The following SARDH variants were observed in gnomAD, a reference collection of about 807,000 sequenced individuals.
SARDH encodes sarcosine dehydrogenase, mitochondrial.
Under a neutral mutation model 109.1 loss-of-function variants are expected in SARDH, and 95 were observed. The observed-to-expected ratio is 0.87, with a 90% CI of 0.74 to 1.03. The LOEUF (loss-of-function observed/expected upper bound fraction) is 1.03. SARDH is among the 50% of genes least tolerant of loss of function. The pLI, the probability that SARDH is intolerant of heterozygous loss-of-function variation, is 0.00. For synonymous variants in SARDH, 572 were observed against 534.8 expected, an observed-to-expected ratio of 1.07 and a Z score of -0.96; for missense variants, 1,267 against 1,287.8, an observed-to-expected ratio of 0.98 and a Z score of 0.25.
chr9:133,663,811 A>G lies in SARDH; in HGVS notation c.*78T>C. 1 of 1,577,676 alleles carries G rather than the reference A, an allele frequency of 6.3e-7. No individual in the cohort carries two copies. The highest frequency in any genetic ancestry group is 8.6e-7 in the Non-Finnish European group (1 of 1,157,066). On this transcript the variant is annotated 3_prime_UTR_variant, in exon 21 of 21. Coordinates refer to ENST00000439388, the MANE Select transcript of SARDH (RefSeq NM_001134707.2). ...GAGGGCACAAGTTCTGGCTGGGTCC[A>G]GGGTCCTGGGACCCAGGGCCATTTG...
chr9:133,737,659 C>T (rs1490982769), intron 1 of SARDH, among the ~76,000 whole-genome samples: 3 of 152,214 alleles, frequency 2.0e-5, no homozygotes, highest in African/African-American at 4.8e-5. Context: ...CAGCTGCTGG[C>T]GCCGGAGGCT....
chr9:133,727,459 C>A (rs1832531572), intron 6 of SARDH, among the ~76,000 whole-genome samples: 1 of 152,254 alleles, frequency 6.6e-6, no homozygotes, highest in South Asian at 2.1e-4. Flanking sequence ...TGCCATGCGC[C>A]CAGGAGAGGG....
chr9:133,711,561 T>C (rs1831919580), intron 10 of SARDH, among the ~76,000 whole-genome samples: 1 of 151,826 alleles, frequency 6.6e-6, no homozygotes, highest in South Asian at 2.1e-4. Flanking sequence ...CATGGAGGGG[T>C]GGCAGCTGGG....
chr9:133,697,672 A>G (rs984142540), intron 13 of SARDH, among the ~76,000 whole-genome samples: 5 of 152,242 alleles, frequency 3.3e-5, no homozygotes, highest in Admixed American at 6.5e-5. Flanking sequence ...GACAAAAACC[A>G]TCTGATCCTC....
chr9:133,725,265 T>C (rs1041620878), intron 6 of SARDH: 10 of 169,594 alleles, frequency 5.9e-5, no homozygotes, highest in African/African-American at 2.4e-4. Flanking sequence ...ATGAAGATAA[T>C]GTTACACACA....
chr9:133,701,390 G>A (rs1383367812), intron 13 of SARDH, among the ~76,000 whole-genome samples: 1 of 152,212 alleles, frequency 6.6e-6, no homozygotes, highest in Non-Finnish European at 1.5e-5. Flanking sequence ...CCCCTTTGTC[G>A]GTTTCTGCTG....
At chr9:133,669,346 C>T (rs1297045070) in intron 19 of SARDH, among the ~76,000 whole-genome samples, 1 of 119,808 alleles carries the variant, frequency 8.3e-6, no homozygotes, top group African/African-American at 3.4e-5. Context: ...CCTCCCTCTC[C>T]CTCCCCTCGT....
intron 5 of SARDH, 61 bp downstream of exon 5, chr9:133,730,003 G>C: frequency 6.9e-6 from 11 of 1,604,352 alleles, no homozygotes; most frequent in Middle Eastern, 1.7e-4. Context: ...GCAGAGGTGG[G>C]AGCAGGTTTA....
At position 133,671,673 on chromosome 9, in the gene SARDH, C is replaced by A; in HGVS notation, c.2188G>T (p.Val730Leu). The change falls in exon 18 of 21, where the codon GTG (valine) becomes TTG (leucine). Residue 730 changes from valine to leucine, a missense_variant. By Grantham distance (32) the Val-to-Leu change is conservative. Coordinates refer to ENST00000439388, the MANE Select transcript of SARDH (RefSeq NM_001134707.2). ...HLVRAMRLSF[V>L]GELGWELHIP... ...TGCAGCTCCCAGCCCAGCTCCCCCA[C>A]AAAGGACAGCCGCATGGCTCGGACC... is the stretch of plus-strand genomic sequence containing the variant. 6.3e-7 allele frequency: 1 copy of A among 1,583,140 alleles called. No individual in the cohort carries two copies. Among genetic ancestry groups the A allele is most frequent in the Non-Finnish European group, 8.6e-7 (1 of 1,164,930 alleles).
chr9:133,722,889 C>A (rs1390232030), intron 6 of SARDH, among the ~76,000 whole-genome samples: 3 of 152,164 alleles, frequency 2.0e-5, no homozygotes, highest in Non-Finnish European at 2.9e-5. Context: ...GAACTCCTGA[C>A]CTCAAGCAAT....
rs961745282 is a variant in SARDH at position 133,692,849 on chromosome 9, C to A, written c.1921+1409G>T. Among the ~76,000 whole-genome samples the A allele has an allele frequency of 6.6e-6, 1 of 152,178 alleles. No homozygotes were observed. Among genetic ancestry groups the A allele is most frequent in the East Asian group, 1.9e-4 (1 of 5,188 alleles). Reference sequence around the variant, plus strand: ...CAGCCCATGGCTCCCTCAGCCTCCACGTCGCCAACGGCAGGAGGGAAGGGG... The same window carrying A: ...CAGCCCATGGCTCCCTCAGCCTCCAAGTCGCCAACGGCAGGAGGGAAGGGG... On this transcript the variant is annotated intron_variant, in intron 15 of 20. Coordinates refer to ENST00000439388, the MANE Select transcript of SARDH (RefSeq NM_001134707.2). This position sits in a 1 kb window ranked among gnomAD's most constrained non-coding sequence, Gnocchi z 5.0.
At chr9:133,684,331 A>G (rs562486172) in intron 17 of SARDH, among the ~76,000 whole-genome samples, 4 of 152,334 alleles carry the variant, frequency 2.6e-5, no homozygotes, top group Admixed American at 2.6e-4. Context: ...TGAGGTTGGG[A>G]GACCCTGTAA....
chr9:133,701,373 C>A (rs555748457), intron 13 of SARDH, among the ~76,000 whole-genome samples: 1 of 152,374 alleles, frequency 6.6e-6, no homozygotes, highest in East Asian at 1.9e-4. Context: ...TCCTTCAGGA[C>A]AGGGCTCCCC....
chr9:133,690,592 T>C (rs939960215), intron 15 of SARDH, 65 bp from the exon 16 acceptor site: 4 of 1,555,234 alleles, frequency 2.6e-6, no homozygotes, highest in Non-Finnish European at 3.5e-6. Flanking sequence ...ACAGAGAGGG[T>C]GGCCCAAGGG....
rs772427968 is a variant in SARDH at position 133,712,607 on chromosome 9, A to G, written c.1328+12T>C. ...TGGCGGGCCCTGCCCTTAGGTCCCA[A>G]TGGGCACTTACCTGATGTCATAGCC... On this transcript the variant is annotated intron_variant, in intron 10 of 20. Coordinates refer to ENST00000439388, the MANE Select transcript of SARDH (RefSeq NM_001134707.2). This position sits in a 1 kb window ranked among gnomAD's most constrained non-coding sequence, Gnocchi z 4.1. The G allele has an allele frequency of 3.7e-6, 6 of 1,604,770 alleles. No individual in the cohort carries two copies. Among genetic ancestry groups the G allele is most frequent in the East Asian group, 4.5e-5 (2 of 44,852 alleles).
intron 6 of SARDH, among the ~76,000 whole-genome samples, chr9:133,721,833 A>G (rs1246549155): frequency 6.6e-6 from 1 of 152,202 alleles, no homozygotes; most frequent in Non-Finnish European, 1.5e-5. Context: ...CACCATGGCC[A>G]GACTGGACGT....
At chr9:133,664,183 G>A (rs1341286235) in intron 20 of SARDH, among the ~76,000 whole-genome samples, 169 bp from the exon 21 acceptor site, 1 of 152,222 alleles carries the variant, frequency 6.6e-6, no homozygotes, top group Non-Finnish European at 1.5e-5. Flanking sequence ...CAGAGCAGGT[G>A]CAGTTCGTGT....
Position 133,732,614 on chromosome 9 carries a change from G to A in SARDH, c.332-13C>T. 4 of 1,591,092 alleles carry A rather than the reference G, an allele frequency of 2.5e-6. No homozygotes were observed. Among genetic ancestry groups the A allele is most frequent in the Non-Finnish European group, 3.4e-6 (4 of 1,167,480 alleles). The stretch of plus-strand genomic sequence containing the variant: ...TGCCACAGCAGGCCTGCCCGGGAGG[G>A]TGGGTGCCATCACTCCCCAGGGAGT... On this transcript the variant is annotated splice_polypyrimidine_tract_variant and intron_variant, in intron 2 of 20. Transcript: ENST00000439388.
chr9:133,702,590 C>T (rs959690623), intron 13 of SARDH, among the ~76,000 whole-genome samples: 8 of 152,220 alleles, frequency 5.3e-5, no homozygotes, highest in Non-Finnish European at 8.8e-5. Flanking sequence ...GGCGCAGCTC[C>T]GGAGAGCGGG....
Sources: allele counts gnomAD v4.1 joint callset (sites outside exome capture counted in the v4.1 genomes callset), GRCh38; gene constraint gnomAD v4.1.1; non-coding constraint Gnocchi (gnomAD v3.1); transcripts MANE v1.5; gene names NCBI Gene and HGNC (gene_info 2026-07-23, HGNC 2026-07-21).